Variants in C7 observed in about 807,000 individuals in gnomAD.
The protein encoded by C7 is complement component C7.
C7 carries 83 observed loss-of-function variants against 104.8 expected under a neutral mutation model. That is an observed-to-expected ratio of 0.79 (90% CI 0.66 to 0.95). The LOEUF is 0.95. C7 is among the 40% of genes least tolerant of loss of function. The pLI, the probability that C7 is intolerant of heterozygous loss-of-function variation, is 0.00. For synonymous variants in C7, 415 were observed against 360.6 expected (o/e 1.15, Z -1.71); for missense variants, 1,070 against 1,011.2 (o/e 1.06, Z -0.79).
intron 9 of C7, among the ~76,000 whole-genome samples, chr5:40,953,369 G>T (rs539136275): frequency 1.3e-5 from 2 of 152,118 alleles, no homozygotes; most frequent in African/African-American, 4.8e-5. Context: ...TCGACTAGGC[G>T]TGGTGGCTCA....
At chr5:40,950,628 C>T (rs1365248816) in intron 9 of C7, among the ~76,000 whole-genome samples, 1 of 152,164 alleles carries the variant, frequency 6.6e-6, no homozygotes, top group Non-Finnish European at 1.5e-5. Flanking sequence ...CTCTCTCTTT[C>T]ATGTGTCAAG....
At chr5:40,935,321 T>A (rs536699368) in intron 4 of C7, among the ~76,000 whole-genome samples, 12 of 152,158 alleles carry the variant, frequency 7.9e-5, no homozygotes, top group Non-Finnish European at 1.5e-4. Flanking sequence ...CTTGAAGACA[T>A]GAATTATATT....
At chr5:40,927,886 T>C (rs537826347) in intron 1 of C7, among the ~76,000 whole-genome samples, 5 of 152,140 alleles carry the variant, frequency 3.3e-5, no homozygotes, top group East Asian at 1.9e-4. Context: ...GAAAACTGCA[T>C]GGAGGTTTGT....
Position 40,959,431 on chromosome 5 carries a change from C to A in C7, c.1490-18C>A. The A allele has an allele frequency of 6.2e-7, 1 of 1,603,474 alleles. No individual in the cohort carries two copies. Among genetic ancestry groups the A allele is most frequent in the Non-Finnish European group, 8.5e-7 (1 of 1,175,500 alleles). On this transcript the variant is annotated intron_variant, in intron 11 of 17. Coordinates refer to ENST00000313164, the MANE Select transcript of C7 (RefSeq NM_000587.4). ...CCTCTTTAAGAACTTATTGATCAAC[C>A]TCTTTCTCATCTTGTAGGAGGGGTT...
Position 40,966,118 on chromosome 5 carries a change from T to A in C7, c.1882+1245T>A, listed in dbSNP as rs183506674. On this transcript the variant is annotated intron_variant, in intron 14 of 17. Transcript: ENST00000313164. ...TAATTTAATTTTTAATTTTAATTTTTAAAAATTTCCATAGGTTTTTGGGGA... is the reference window on the plus strand; with the variant it reads ...TAATTTAATTTTTAATTTTAATTTTAAAAAATTTCCATAGGTTTTTGGGGA... 4.9e-3 allele frequency among the ~76,000 whole-genome samples: 739 copies of A among 152,200 alleles called. 7 individuals carry two copies. The highest frequency in any genetic ancestry group is 0.017 in the African/African-American group (712 of 41,570).
intron 6 of C7, among the ~76,000 whole-genome samples, chr5:40,938,128 T>G (rs1278017585): frequency 7.2e-5 from 11 of 152,146 alleles, no homozygotes; most frequent in Admixed American, 7.2e-4. Flanking sequence ...TGAAGAAAAC[T>G]GCCCTTATAT....
At chr5:40,937,734 G>A (rs1340222113) in intron 6 of C7, 44 bp downstream of exon 6, 9 of 1,467,822 alleles carry the variant, frequency 6.1e-6, no homozygotes, top group Admixed American at 2.1e-5. Context: ...TTGTCAGAGA[G>A]CATTATTTAT....
Position 40,937,650 on chromosome 5 carries a change from T to A in C7, c.527T>A (p.Phe176Tyr). 3 of 1,606,794 alleles carry A rather than the reference T, an allele frequency of 1.9e-6. No individual in the cohort carries two copies. The East Asian group carries it at 6.7e-5, about 36-fold the overall frequency. The part of the protein sequence containing the change: ...RKVFSGDGKD[F>Y]YRLSGNVLSY... ...GTGTTTAGTGGGGATGGAAAAGATTTCTACAGGCTGAGTGGAAATGTCCTG... is the reference window on the plus strand; with the variant it reads ...GTGTTTAGTGGGGATGGAAAAGATTACTACAGGCTGAGTGGAAATGTCCTG... Residue 176 changes from phenylalanine (F) to tyrosine (Y), a missense_variant, in exon 6 of 18, where the codon TTC (phenylalanine) becomes TAC (tyrosine). Coordinates refer to ENST00000313164, the MANE Select transcript of C7 (RefSeq NM_000587.4).
At chr5:40,957,430 C>T (rs956637017) in intron 10 of C7, among the ~76,000 whole-genome samples, 7 of 152,048 alleles carry the variant, frequency 4.6e-5, no homozygotes, top group Non-Finnish European at 7.4e-5. Flanking sequence ...TTTGCTGTAA[C>T]TAGAAAATGA....
At chr5:40,928,460 G>T in intron 1 of C7, 120 bp from the exon 2 acceptor site, 2 of 618,350 alleles carry the variant, frequency 3.2e-6, no homozygotes, top group Non-Finnish European at 5.6e-6. Context: ...ATTTCACATT[G>T]TATTGAGAAA....
chr5:40,930,813 G>A (rs545171919), intron 2 of C7, among the ~76,000 whole-genome samples: 55 of 151,812 alleles, frequency 3.6e-4, no homozygotes, highest in African/African-American at 1.2e-3. Flanking sequence ...TGATCTGCCC[G>A]CCTCAGCCTC....
At chr5:40,918,924 C>T (rs1038336753) in intron 1 of C7, among the ~76,000 whole-genome samples, 5 of 147,348 alleles carry the variant, frequency 3.4e-5, no homozygotes, top group African/African-American at 5.1e-5. Context: ...ATTTGAAAAT[C>T]GCTTTAGACC....
At chr5:40,928,100 A>G (rs987643521) in intron 1 of C7, among the ~76,000 whole-genome samples, 2 of 152,208 alleles carry the variant, frequency 1.3e-5, no homozygotes, top group Non-Finnish European at 1.5e-5. Flanking sequence ...AAATTCTGTC[A>G]TTTATGACAA....
At chr5:40,921,516 G>A (rs1051935641) in intron 1 of C7, among the ~76,000 whole-genome samples, 1 of 151,812 alleles carries the variant, frequency 6.6e-6, no homozygotes, top group Non-Finnish European at 1.5e-5. Context: ...AATAATAACA[G>A]TGCTGGAGGT....
chr5:40,911,034 TAAAG>T lies in C7; in HGVS notation c.6+1419_6+1422del, dbSNP rs1739197183. The T allele has an allele frequency of 2.0e-5, 3 of 152,114 alleles. No individual in the cohort carries two copies. The South Asian group carries it at 6.2e-4, about 31-fold the overall frequency. The allele number at this position is 152,114 out of a possible 1,614,324, so 9.4% of individuals were successfully genotyped here. On this transcript the variant is annotated intron_variant, in intron 1 of 17. Coordinates refer to ENST00000313164, the MANE Select transcript of C7 (RefSeq NM_000587.4). Reference sequence around the variant, plus strand: ...AATTAGTTGACAAAATATCAACAAATAAAGCAATTAATTTTTTAAAAATTTTACA... The same window carrying T: ...AATTAGTTGACAAAATATCAACAAATCAATTAATTTTTTAAAAATTTTACA...
At chr5:40,970,533 G>T (rs1740676155) in intron 14 of C7, among the ~76,000 whole-genome samples, 1 of 152,200 alleles carries the variant, frequency 6.6e-6, no homozygotes, top group Non-Finnish European at 1.5e-5. Flanking sequence ...GCATGTGCCT[G>T]TGATCCCACC....
intron 14 of C7, among the ~76,000 whole-genome samples, chr5:40,970,105 A>G (rs1740660970): frequency 6.6e-6 from 1 of 152,160 alleles, no homozygotes; most frequent in Non-Finnish European, 1.5e-5. Context: ...AAATATAGGC[A>G]TTCAAAAAGT....
At chr5:40,954,290 C>A (rs1740239875) in intron 9 of C7, among the ~76,000 whole-genome samples, 1 of 151,968 alleles carries the variant, frequency 6.6e-6, no homozygotes, top group Non-Finnish European at 1.5e-5. Flanking sequence ...ATACCCATTT[C>A]CTATATACAA....
chr5:40,963,694 G>C (rs1329768572), intron 13 of C7, among the ~76,000 whole-genome samples: 1 of 152,142 alleles, frequency 6.6e-6, no homozygotes, highest in Non-Finnish European at 1.5e-5. Context: ...TAAGGAAAGA[G>C]AGACCCTAAA....
Sources: gnomAD v4.1 joint callset for allele counts (sites outside exome capture counted in the v4.1 genomes callset) on GRCh38, gnomAD v4.1.1 for gene constraint, MANE v1.5 for transcripts, NCBI Gene and HGNC (gene_info 2026-07-23, HGNC 2026-07-21) for gene names.